NR2F1-AS1: variants seen among roughly 807,000 people sequenced by gnomAD.
NR2F1-AS1 encodes NR2F1 regulatory antisense RNA 1.
At chr5:93,464,993 T>A (rs529363821) in intron 4 of NR2F1-AS1, among the ~76,000 whole-genome samples, 1 of 152,236 alleles carries the variant, frequency 6.6e-6, no homozygotes, top group Non-Finnish European at 1.5e-5. Flanking sequence ...GTGGTATTTA[T>A]ATTAATAAAT....
intron 4 of NR2F1-AS1, among the ~76,000 whole-genome samples, chr5:93,524,508 C>T (rs542244619): frequency 6.6e-6 from 1 of 152,124 alleles, no homozygotes; most frequent in Non-Finnish European, 1.5e-5. Flanking sequence ...TACAGAGAAC[C>T]TCACAAAGAT....
intron 1 of NR2F1-AS1, among the ~76,000 whole-genome samples, chr5:93,575,320 T>C (rs1263144015): frequency 6.6e-6 from 1 of 152,250 alleles, no homozygotes; most frequent in African/African-American, 2.4e-5. Flanking sequence ...TGTTTTTCTT[T>C]TTGAAGTAAA....
At chr5:93,421,552 C>T (rs778971907) in intron 4 of NR2F1-AS1, among the ~76,000 whole-genome samples, 5 of 152,152 alleles carry the variant, frequency 3.3e-5, no homozygotes, top group Non-Finnish European at 5.9e-5. Context: ...TGTGCTACAG[C>T]CCCTACTCGG....
intron 4 of NR2F1-AS1, among the ~76,000 whole-genome samples, chr5:93,539,828 A>T (rs1305420932): frequency 6.6e-6 from 1 of 152,218 alleles, no homozygotes; most frequent in Non-Finnish European, 1.5e-5. Flanking sequence ...ACCTGATTGG[A>T]TGATTATACA....
chr5:93,564,093 C>T (rs956873879), intron 1 of NR2F1-AS1, among the ~76,000 whole-genome samples: 30 of 92,414 alleles, frequency 3.2e-4, no homozygotes, highest in Admixed American at 6.8e-4. Flanking sequence ...CAGAGCCAGA[C>T]TCCGTCTCAA....
At chr5:93,572,438 C>T (rs930975305) in intron 1 of NR2F1-AS1, among the ~76,000 whole-genome samples, 9 of 152,236 alleles carry the variant, frequency 5.9e-5, no homozygotes, top group Non-Finnish European at 7.3e-5. Context: ...CGACATGCCC[C>T]CGGCTCCGTG....
intron 4 of NR2F1-AS1, among the ~76,000 whole-genome samples, chr5:93,507,326 GTTTTT>G (rs989496821): frequency 1.0e-4 from 12 of 119,582 alleles, no homozygotes; most frequent in South Asian, 9.6e-4. Context: ...GGGATTTGGG[GTTTTT>G]TTTGTTTTGT....
chr5:93,448,818 C>A (rs1478543974), intron 4 of NR2F1-AS1, among the ~76,000 whole-genome samples: 1 of 152,144 alleles, frequency 6.6e-6, no homozygotes, highest in Non-Finnish European at 1.5e-5. Flanking sequence ...CCAGGGAGGG[C>A]CACTTGCTTT....
chr5:93,518,278 G>A (rs1751436448), intron 4 of NR2F1-AS1, among the ~76,000 whole-genome samples: 2 of 152,122 alleles, frequency 1.3e-5, no homozygotes, highest in Non-Finnish European at 2.9e-5. Flanking sequence ...ACCTGAGGCT[G>A]TGTAGAAACA....
At position 93,579,226 on chromosome 5, in the gene NR2F1-AS1, G is replaced by A. The variant is rs1432944094; in HGVS notation, n.313+1241C>T. Among the ~76,000 whole-genome samples the A allele has an allele frequency of 6.6e-6, 1 of 152,140 alleles. No homozygotes were observed. Among genetic ancestry groups the A allele is most frequent in the Non-Finnish European group, 1.5e-5 (1 of 68,016 alleles). On this transcript the variant is annotated intron_variant and non_coding_transcript_variant, in intron 1 of 5. Coordinates refer to ENST00000660523, the Ensembl canonical transcript of NR2F1-AS1. This position sits in a 1 kb window ranked among gnomAD's most constrained non-coding sequence, Gnocchi z 5.1. ...GCAAGGATGCCCCGTAGGAGTGCGA[G>A]CCGCTCCCCTCCTCCGAAAAGCCGC...
intron 4 of NR2F1-AS1, among the ~76,000 whole-genome samples, chr5:93,482,974 T>C (rs1750634064): frequency 1.3e-5 from 2 of 152,190 alleles, no homozygotes. Flanking sequence ...CAAACTCCCA[T>C]CTCGCTGGGA....
chr5:93,463,651 A>G (rs1021346910), intron 4 of NR2F1-AS1, among the ~76,000 whole-genome samples: 2 of 152,216 alleles, frequency 1.3e-5, no homozygotes, highest in South Asian at 4.1e-4. Flanking sequence ...GTAAAGCCAC[A>G]GGGGTGGAAC....
At chr5:93,510,779 A>G (rs1751278717) in intron 4 of NR2F1-AS1, among the ~76,000 whole-genome samples, 1 of 152,200 alleles carries the variant, frequency 6.6e-6, no homozygotes, top group Non-Finnish European at 1.5e-5. Context: ...ATGCGGAAGA[A>G]TTAGGTCTCT....
At chr5:93,585,374 C>T (rs1329040695), upstream of NR2F1-AS1, 2 of 1,613,980 alleles carry the variant, frequency 1.2e-6, no homozygotes, top group East Asian at 2.2e-5. Flanking sequence ...TCCGCAGGAA[C>T]TTAACTTACA....
At chr5:93,502,911 G>A (rs991840328) in intron 4 of NR2F1-AS1, among the ~76,000 whole-genome samples, 1 of 152,012 alleles carries the variant, frequency 6.6e-6, no homozygotes, top group Non-Finnish European at 1.5e-5. Context: ...ATTTATCTAA[G>A]AAAACAATAC....
chr5:93,549,118 T>C (rs1325213254), intron 4 of NR2F1-AS1, among the ~76,000 whole-genome samples: 9 of 152,152 alleles, frequency 5.9e-5, no homozygotes, highest in East Asian at 1.9e-4. Context: ...ATAAAATTAA[T>C]AGTGTTAGGG....
chr5:93,438,269 C>T (rs1230856064), intron 4 of NR2F1-AS1, among the ~76,000 whole-genome samples: 1 of 152,212 alleles, frequency 6.6e-6, no homozygotes, highest in Admixed American at 6.5e-5. Context: ...ACGGAATCTA[C>T]AGAAGTGTGG....
chr5:93,515,914 T>C (rs1158067269), intron 4 of NR2F1-AS1, among the ~76,000 whole-genome samples: 1 of 151,844 alleles, frequency 6.6e-6, no homozygotes, highest in East Asian at 1.9e-4. Flanking sequence ...CTACAACCAA[T>C]GAAGACTTCA....
chr5:93,503,958 TC>T (rs1751135307), intron 4 of NR2F1-AS1, among the ~76,000 whole-genome samples: 1 of 152,194 alleles, frequency 6.6e-6, no homozygotes. Flanking sequence ...AGTCACTGAA[TC>T]TGGGGGTTGT....
Sources: allele counts gnomAD v4.1 joint callset (sites outside exome capture counted in the v4.1 genomes callset), GRCh38; gene constraint gnomAD v4.1.1; non-coding constraint Gnocchi (gnomAD v3.1); transcripts MANE v1.5; gene names NCBI Gene and HGNC (gene_info 2026-07-23, HGNC 2026-07-21).